The following PRKD3 variants were observed in gnomAD, a reference collection of about 807,000 sequenced individuals.
The protein encoded by PRKD3 is serine/threonine-protein kinase D3.
PRKD3 carries 47 observed loss-of-function variants against 99.2 expected under a neutral mutation model. The ratio of observed to expected loss-of-function variants is 0.47; its 90% confidence interval spans 0.38 to 0.60. The LOEUF (loss-of-function observed/expected upper bound fraction) is 0.60. Among genes scored for constraint, PRKD3 ranks in the 20% least tolerant of loss-of-function variants. PRKD3 has a pLI of 0.00. For synonymous variants in PRKD3, 392 were observed against 355.4 expected (o/e 1.10, Z -1.16); for missense variants, 1,019 against 1,088.4 (o/e 0.94, Z 0.90).
chr2:37,261,906 A>G (rs78161208), intron 14 of PRKD3, among the ~76,000 whole-genome samples: 1 of 152,148 alleles, frequency 6.6e-6, no homozygotes, highest in Admixed American at 6.5e-5. Flanking sequence ...TACCTGCACA[A>G]CCATTCCGTT....
At chr2:37,306,512 T>G (rs1671174894) in intron 2 of PRKD3, among the ~76,000 whole-genome samples, 1 of 152,154 alleles carries the variant, frequency 6.6e-6, no homozygotes, top group South Asian at 2.1e-4. Context: ...AACTGTGCAC[T>G]GTTAAACAAA....
intron 12 of PRKD3, among the ~76,000 whole-genome samples, chr2:37,270,435 GAA>G (rs1397828183): frequency 6.7e-6 from 1 of 149,866 alleles, no homozygotes; most frequent in Non-Finnish European, 1.5e-5. Context: ...ATGTATGAGA[GAA>G]AGTCTGTAAC....
chr2:37,323,770 AAGC>A (rs1316365925), intron 1 of PRKD3, among the ~76,000 whole-genome samples: 4 of 152,240 alleles, frequency 2.6e-5, no homozygotes, highest in African/African-American at 9.6e-5. Context: ...TGTCTCATAA[AAGC>A]TGTGTCGCAC....
At chr2:37,260,634 TTAC>T (rs1266902272) in intron 14 of PRKD3, among the ~76,000 whole-genome samples, 1 of 152,196 alleles carries the variant, frequency 6.6e-6, no homozygotes, top group South Asian at 2.1e-4. Context: ...CTCTTGTCCA[TTAC>T]TACTACTTTT....
At chr2:37,291,081 A>G (rs1670398520) in intron 3 of PRKD3, 82 bp from the exon 4 acceptor site, 1 of 1,264,422 alleles carries the variant, frequency 7.9e-7, no homozygotes, top group South Asian at 1.8e-5. Context: ...CACTTATGTC[A>G]AAGTACACAG....
chr2:37,267,164 C>T (rs1300657630), intron 14 of PRKD3, among the ~76,000 whole-genome samples: 1 of 152,082 alleles, frequency 6.6e-6, no homozygotes, highest in Non-Finnish European at 1.5e-5. Flanking sequence ...AAACAGCAAC[C>T]TTCTGACAAA....
In PRKD3 at chr2:37,277,990, C is replaced by G; in HGVS notation, c.1173-1G>C. On this transcript the variant is annotated splice_acceptor_variant, in intron 8 of 18. Transcript: ENST00000234179. LOFTEE classifies it high-confidence loss of function. ...CGGAATATTATTGCTTGTTGATGGA[C>G]TAAAAAATATTTAAAATTTGTAAGT... 3.8e-6 allele frequency: 6 copies of G among 1,591,040 alleles called. No individual in the cohort carries two copies. The highest frequency in any genetic ancestry group is 5.1e-6 in the Non-Finnish European group (6 of 1,166,924).
intron 13 of PRKD3, 126 bp from the exon 14 acceptor site, chr2:37,267,662 T>G: frequency 1.4e-6 from 1 of 715,858 alleles, no homozygotes; most frequent in South Asian, 1.7e-5. Flanking sequence ...TTGTTCTTTC[T>G]CCACACTCCT....
At chr2:37,281,188 A>C (rs1291994112) in intron 7 of PRKD3, among the ~76,000 whole-genome samples, 1 of 152,164 alleles carries the variant, frequency 6.6e-6, no homozygotes, top group African/African-American at 2.4e-5. Flanking sequence ...ATTACTAGTG[A>C]GTTTGAACAT....
At chr2:37,259,709 A>G (rs774032091) in intron 15 of PRKD3, 28 bp from the exon 16 acceptor site, 18 of 1,507,786 alleles carry the variant, frequency 1.2e-5, no homozygotes, top group Non-Finnish European at 1.6e-5. Context: ...TTTCTTTTCA[A>G]TGTCTGGAAA....
At chr2:37,261,762 A>G (rs1668476978) in intron 14 of PRKD3, among the ~76,000 whole-genome samples, 1 of 150,704 alleles carries the variant, frequency 6.6e-6, no homozygotes, top group Non-Finnish European at 1.5e-5. Flanking sequence ...CCTGGGCAAC[A>G]AGAGCAAAAC....
chr2:37,319,756 TA>T (rs3050519), intron 1 of PRKD3, among the ~76,000 whole-genome samples: 58,846 of 148,036 alleles, frequency 0.4, 11,553 homozygotes, highest in East Asian at 0.43. Context: ...CATACTGATT[TA>T]AAAAAAAAAA....
Position 37,253,404 on chromosome 2 carries a change from C to T in PRKD3, c.2500-54G>A, listed in dbSNP as rs533306878. 25 of 1,485,530 alleles carry T rather than the reference C, an allele frequency of 1.7e-5. No individual in the cohort carries two copies. In the East Asian group the frequency reaches 5.8e-4, roughly 35 times the overall value. The allele number at this position is 1,485,530 out of a possible 1,614,324, so 92.0% of individuals were successfully genotyped here. On this transcript the variant is annotated intron_variant, in intron 18 of 18. Coordinates refer to ENST00000234179, the MANE Select transcript of PRKD3 (RefSeq NM_005813.6). ...AACAAAAGAAACAAAATACTGTCAA[C>T]CTGGTTTTTGTTTTGTGTTTTTTTT...
At chr2:37,257,093 AG>A (rs1022836929) in intron 16 of PRKD3, among the ~76,000 whole-genome samples, 164 bp from the exon 17 acceptor site, 2 of 152,212 alleles carry the variant, frequency 1.3e-5, no homozygotes, top group Non-Finnish European at 2.9e-5. Flanking sequence ...TTTTCTCAAA[AG>A]GCAGACACAT....
At chr2:37,265,857 A>G (rs1158065379) in intron 14 of PRKD3, among the ~76,000 whole-genome samples, 1 of 152,184 alleles carries the variant, frequency 6.6e-6, no homozygotes, top group African/African-American at 2.4e-5. Flanking sequence ...GGTTATTCCT[A>G]AATTTAGTTA....
chr2:37,316,185 G>A (rs1671646978), intron 2 of PRKD3, 52 bp downstream of exon 2: 1 of 1,496,330 alleles, frequency 6.7e-7, no homozygotes, highest in African/African-American at 1.4e-5. Context: ...ATAATTTATA[G>A]AAAAACATCA....
intron 2 of PRKD3, 108 bp downstream of exon 2, chr2:37,316,129 A>G (rs1329307632): frequency 1.6e-5 from 19 of 1,190,786 alleles, no homozygotes; most frequent in Non-Finnish European, 2.1e-5. Flanking sequence ...AAATGCACAG[A>G]ATAAACTACT....
intron 12 of PRKD3, among the ~76,000 whole-genome samples, chr2:37,270,864 A>G (rs1420848776): frequency 6.6e-6 from 1 of 152,230 alleles, no homozygotes; most frequent in East Asian, 1.9e-4. Flanking sequence ...GTGTATATAT[A>G]TTTGTTAAAC....
intron 13 of PRKD3, chr2:37,268,482 C>G (rs1668994570): frequency 2.6e-6 from 1 of 379,610 alleles, no homozygotes; most frequent in Non-Finnish European, 5.2e-6. Flanking sequence ...AAGATCCAGA[C>G]ATCTCACAGC....
Sources: gnomAD v4.1 joint callset for allele counts (sites outside exome capture counted in the v4.1 genomes callset) on GRCh38, gnomAD v4.1.1 for gene constraint, MANE v1.5 for transcripts, NCBI Gene and HGNC (gene_info 2026-07-23, HGNC 2026-07-21) for gene names.